KAZN: variants seen among roughly 807,000 people sequenced by gnomAD.
The protein encoded by KAZN is kazrin, periplakin interacting protein, also known as kazrin.
KAZN carries 40 observed loss-of-function variants against 87.4 expected under a neutral mutation model. The observed-to-expected ratio is 0.46, with a 90% CI of 0.36 to 0.60. The LOEUF (loss-of-function observed/expected upper bound fraction) is 0.60, where lower values mean the gene tolerates loss of function less well. Ranked by LOEUF, KAZN falls within the 20% of genes least tolerant of loss-of-function variation. KAZN has a pLI of 0.00. For synonymous variants in KAZN, 466 were observed against 458.3 expected (o/e 1.02, Z -0.22); for missense variants, 898 against 1,073.9 (o/e 0.84, Z 2.29).
intron 2 of KAZN, among the ~76,000 whole-genome samples, chr1:15,015,403 A>C (rs1390722675): frequency 1.3e-5 from 2 of 152,152 alleles, no homozygotes; most frequent in African/African-American, 2.4e-5. Flanking sequence ...CTCCCGCCTC[A>C]GCCTCCCAAA....
intron 1 of KAZN, among the ~76,000 whole-genome samples, chr1:14,153,014 T>C (rs1645510194): frequency 6.6e-6 from 1 of 152,212 alleles, no homozygotes; most frequent in South Asian, 2.1e-4. Flanking sequence ...TCTATTTAGA[T>C]CTTTCGCCCA....
At chr1:13,944,577 A>G (rs1641064131) in intron 1 of KAZN, among the ~76,000 whole-genome samples, 1 of 152,252 alleles carries the variant, frequency 6.6e-6, no homozygotes, top group Non-Finnish European at 1.5e-5. Flanking sequence ...ACGTAACTGC[A>G]GTAGCACAAA....
chr1:14,715,027 G>T (rs927854387), intron 1 of KAZN, among the ~76,000 whole-genome samples: 2 of 151,258 alleles, frequency 1.3e-5, no homozygotes, highest in African/African-American at 4.9e-5. Flanking sequence ...AAACTCCTCA[G>T]CTTAGCAATC....
intron 1 of KAZN, among the ~76,000 whole-genome samples, chr1:14,053,073 G>A (rs111754877): frequency 2.0e-5 from 3 of 152,266 alleles, no homozygotes; most frequent in Non-Finnish European, 2.9e-5. Flanking sequence ...ATGCCACCCC[G>A]TGAGTCTGTG....
intron 2 of KAZN, among the ~76,000 whole-genome samples, chr1:14,196,519 G>T (rs1331706468): frequency 2.6e-5 from 4 of 152,066 alleles, no homozygotes; most frequent in Admixed American, 2.6e-4. Context: ...GAGAAAGAGA[G>T]GAGTCAAGGG....
At chr1:15,112,001 T>C (rs1388127220) in intron 13 of KAZN, 1 of 163,732 alleles carries the variant, frequency 6.1e-6, no homozygotes, top group Non-Finnish European at 1.3e-5. Flanking sequence ...CAGGGGAGAC[T>C]CCTCATGCTT....
intron 2 of KAZN, among the ~76,000 whole-genome samples, chr1:14,326,043 T>C (rs191300440): frequency 5.9e-5 from 9 of 152,284 alleles, no homozygotes; most frequent in African/African-American, 2.2e-4. Flanking sequence ...CATTGAGAAC[T>C]CCTGTAGCTC....
intron 2 of KAZN, among the ~76,000 whole-genome samples, chr1:14,268,933 G>A (rs1361825771): frequency 2.6e-5 from 4 of 152,132 alleles, no homozygotes; most frequent in Non-Finnish European, 4.4e-5. Context: ...TCACGCTTGC[G>A]GTCATTAATG....
chr1:14,871,544 AG>A (rs142410429), intron 1 of KAZN, among the ~76,000 whole-genome samples: 6,237 of 152,082 alleles, frequency 0.041, 126 homozygotes, highest in African/African-American at 0.049. Flanking sequence ...CATCTGCAAC[AG>A]GGGAGGCGTA....
At chr1:14,803,275 A>T (rs1557506276) in intron 1 of KAZN, among the ~76,000 whole-genome samples, 1 of 152,232 alleles carries the variant, frequency 6.6e-6, no homozygotes, top group East Asian at 1.9e-4. Context: ...CCAGGTGGGG[A>T]TTAGCGGAGG....
At chr1:14,117,421 CT>C (rs1644649375) in intron 1 of KAZN, among the ~76,000 whole-genome samples, 1 of 152,126 alleles carries the variant, frequency 6.6e-6, no homozygotes, top group African/African-American at 2.4e-5. Context: ...TGAGACATGC[CT>C]TTCACCTTCC....
intron 2 of KAZN, among the ~76,000 whole-genome samples, chr1:14,198,203 A>C (rs1407067214): frequency 6.6e-6 from 1 of 152,200 alleles, no homozygotes; most frequent in South Asian, 2.1e-4. Flanking sequence ...TTCCAAGAGC[A>C]ATAGAAGCCA....
chr1:14,110,177 T>C (rs1426029958), intron 1 of KAZN, among the ~76,000 whole-genome samples: 1 of 152,228 alleles, frequency 6.6e-6, no homozygotes, highest in Non-Finnish European at 1.5e-5. Context: ...GTCCACATCC[T>C]TGGCCCTGTG....
chr1:15,029,903 C>T (rs753158364), intron 2 of KAZN, among the ~76,000 whole-genome samples: 4 of 152,254 alleles, frequency 2.6e-5, no homozygotes, highest in Non-Finnish European at 4.4e-5. Context: ...CAGTGAGGCT[C>T]CAGGAAGCCA....
intron 2 of KAZN, among the ~76,000 whole-genome samples, chr1:14,303,758 T>C (rs1274923345): frequency 6.6e-6 from 1 of 152,224 alleles, no homozygotes; most frequent in African/African-American, 2.4e-5. Flanking sequence ...TCATGGCATA[T>C]AAGAAGTCTT....
intron 2 of KAZN, among the ~76,000 whole-genome samples, chr1:14,447,048 A>G (rs1667020469): frequency 6.6e-6 from 1 of 151,984 alleles, no homozygotes; most frequent in South Asian, 2.1e-4. Context: ...TTTTCAACCC[A>G]TACCTCTCAT....
chr1:14,448,060 A>G (rs1017678271), intron 2 of KAZN, among the ~76,000 whole-genome samples: 4 of 152,222 alleles, frequency 2.6e-5, no homozygotes, highest in African/African-American at 4.8e-5. Context: ...TGTCCACAGG[A>G]CAAACTGTGG....
At chr1:14,461,342 G>A (rs187987369) in intron 2 of KAZN, among the ~76,000 whole-genome samples, 4 of 152,062 alleles carry the variant, frequency 2.6e-5, no homozygotes, top group African/African-American at 7.2e-5. Flanking sequence ...GGCAGTTCCC[G>A]CATACTGTTC....
intron 2 of KAZN, among the ~76,000 whole-genome samples, chr1:14,383,493 T>C (rs1362578783): frequency 6.6e-6 from 1 of 151,914 alleles, no homozygotes; most frequent in Non-Finnish European, 1.5e-5. Context: ...GATTTTTGTA[T>C]AAGGTGTAAG....
Sources: gnomAD v4.1 joint callset for allele counts (sites outside exome capture counted in the v4.1 genomes callset) on GRCh38, gnomAD v4.1.1 for gene constraint, MANE v1.5 for transcripts, NCBI Gene and HGNC (gene_info 2026-07-23, HGNC 2026-07-21) for gene names.